The following FNBP4 variants were observed in gnomAD, a reference collection of about 807,000 sequenced individuals.
FNBP4 encodes formin binding protein 4, also known as formin-binding protein 4.
Under a neutral mutation model 119.3 loss-of-function variants are expected in FNBP4, and 34 were observed. That is an observed-to-expected ratio of 0.28 (90% CI 0.22 to 0.38). FNBP4 has a LOEUF of 0.38. FNBP4 is among the 10% of genes least tolerant of loss of function. FNBP4 has a pLI of 1.00. For missense variants in FNBP4, 1,112 were observed against 1,228.9 expected, an observed-to-expected ratio of 0.90 and a Z score of 1.42; for synonymous variants, 462 against 430.6, an observed-to-expected ratio of 1.07 and a Z score of -0.90.
chr11:47,736,471 G>T, intron 9 of FNBP4, 145 bp downstream of exon 9: 1 of 560,156 alleles, frequency 1.8e-6, no homozygotes, highest in Non-Finnish European at 3.0e-6. Context: ...CAGGAGAATG[G>T]CTTGAACCCA....
At chr11:47,764,672 C>T (rs928774174) in intron 2 of FNBP4, among the ~76,000 whole-genome samples, 1 of 152,042 alleles carries the variant, frequency 6.6e-6, no homozygotes, top group African/African-American at 2.4e-5. Context: ...TTTTACTCTT[C>T]CAAGATACAC....
intron 16 of FNBP4, among the ~76,000 whole-genome samples, chr11:47,718,130 T>G (rs2097551619): frequency 6.6e-6 from 1 of 151,614 alleles, no homozygotes; most frequent in Non-Finnish European, 1.5e-5. Flanking sequence ...TCTATTAGAG[T>G]TTTTCTTAGC....
intron 6 of FNBP4, among the ~76,000 whole-genome samples, chr11:47,748,327 A>T (rs1038475555): frequency 6.6e-6 from 1 of 151,850 alleles, no homozygotes; most frequent in African/African-American, 2.4e-5. Context: ...TTGTGATTAA[A>T]GTATCTGCTT....
In FNBP4 at chr11:47,733,964, A is replaced by T; in HGVS notation, c.1686+61T>A. On this transcript the variant is annotated intron_variant, in intron 10 of 16. Coordinates refer to ENST00000263773, the MANE Select transcript of FNBP4 (RefSeq NM_015308.5). ...GTAAGCAAGACAGAATCGTTAACAC[A>T]TACAGCATTTCATTCAAACACTTAA... The T allele has an allele frequency of 3.8e-6, 3 of 792,330 alleles. No homozygotes were observed. The East Asian group carries it at 8.1e-5, about 21-fold the overall frequency. The allele number at this position is 792,330 out of a possible 1,614,324, so 49.1% of individuals were successfully genotyped here.
chr11:47,737,407 T>C (rs191593909), intron 8 of FNBP4, among the ~76,000 whole-genome samples: 1 of 152,250 alleles, frequency 6.6e-6, no homozygotes. Context: ...TTTAACAAGT[T>C]GCAGGGGAAG....
At chr11:47,753,339 G>A (rs570954590) in intron 3 of FNBP4, among the ~76,000 whole-genome samples, 66 of 152,238 alleles carry the variant, frequency 4.3e-4, no homozygotes, top group African/African-American at 1.5e-3. Context: ...GGCTGGGCAC[G>A]GTGGCTCACG....
At chr11:47,730,163 C>G in intron 12 of FNBP4, 2 of 985,370 alleles carry the variant, frequency 2.0e-6, no homozygotes, top group South Asian at 4.7e-5. Flanking sequence ...TCCAGAACTA[C>G]GATCAAGCCT....
intron 14 of FNBP4, among the ~76,000 whole-genome samples, chr11:47,723,544 T>C (rs1599159743): frequency 6.6e-6 from 1 of 152,294 alleles, no homozygotes; most frequent in Non-Finnish European, 1.5e-5. Flanking sequence ...CAAGACAATC[T>C]GGAAGCATAT....
chr11:47,748,053 C>T (rs1356687620), intron 6 of FNBP4, among the ~76,000 whole-genome samples: 8 of 150,980 alleles, frequency 5.3e-5, no homozygotes, highest in Non-Finnish European at 8.8e-5. Context: ...TCAGCCTGGC[C>T]AATATGGTGA....
At chr11:47,739,345 A>G (rs1319610089) in intron 8 of FNBP4, among the ~76,000 whole-genome samples, 1 of 152,034 alleles carries the variant, frequency 6.6e-6, no homozygotes, top group African/African-American at 2.4e-5. Context: ...CTTCCCACTA[A>G]TCCCATTTAT....
At chr11:47,733,218 T>C (rs139804712) in intron 10 of FNBP4, among the ~76,000 whole-genome samples, 376 of 152,294 alleles carry the variant, frequency 2.5e-3, no homozygotes, top group Middle Eastern at 0.014. Flanking sequence ...AAATGAGTAG[T>C]AGTAGTTTTG....
chr11:47,740,700 T>C (rs1341031573), intron 8 of FNBP4, among the ~76,000 whole-genome samples: 2 of 151,548 alleles, frequency 1.3e-5, no homozygotes, highest in African/African-American at 4.9e-5. Flanking sequence ...TTCAGGTGAT[T>C]TCCTGCCTCA....
Position 47,732,533 on chromosome 11 carries a change from G to A in FNBP4, c.1820+4C>T, listed in dbSNP as rs1227289099. 12 of 1,614,080 alleles carry A rather than the reference G, an allele frequency of 7.4e-6. No homozygotes were observed. The highest frequency in any genetic ancestry group is 1.7e-5 in the Admixed American group (1 of 59,992). On this transcript the variant is annotated splice_donor_region_variant and intron_variant, in intron 11 of 16. Transcript: ENST00000263773. This position sits in a 1 kb window ranked among gnomAD's most constrained non-coding sequence, Gnocchi z 4.2. ...AAAGGTGAAAAGGGGAGAAGAGTGC[G>A]TACCTGTCCCAGTGGCAGGACCAGC...
intron 2 of FNBP4, among the ~76,000 whole-genome samples, chr11:47,756,307 A>G (rs2097617893): frequency 6.6e-6 from 1 of 152,138 alleles, no homozygotes. Flanking sequence ...TTTTCCAGCT[A>G]TTACTTATAT....
In FNBP4 at chr11:47,744,119, C is replaced by G; in HGVS notation, c.1290G>C (p.Gly430=). Residue 430 remains glycine, a synonymous_variant, in exon 8 of 17, where the codon GGG becomes GGC. Coordinates refer to ENST00000263773, the MANE Select transcript of FNBP4 (RefSeq NM_015308.5). The part of the protein sequence containing the change: ...ALEEGDGSVS[G]SSPRSDISQP... ...GGCTGATATCAGAACGTGGACTAGACCCTGACACACTACCATCTCCTTCCT... is the reference window on the plus strand; with the variant it reads ...GGCTGATATCAGAACGTGGACTAGAGCCTGACACACTACCATCTCCTTCCT... 1.9e-6 allele frequency: 3 copies of G among 1,614,102 alleles called. No homozygotes were observed. The highest frequency in any genetic ancestry group is 2.5e-6 in the Non-Finnish European group (3 of 1,180,012).
At chr11:47,739,939 C>T (rs952078470) in intron 8 of FNBP4, among the ~76,000 whole-genome samples, 4 of 135,082 alleles carry the variant, frequency 3.0e-5, no homozygotes, top group Admixed American at 2.4e-4. Flanking sequence ...CCACCACGCC[C>T]GGCTAGTTTT....
chr11:47,755,635 CAAAA>C (rs11341984), intron 2 of FNBP4, among the ~76,000 whole-genome samples: 45 of 128,728 alleles, frequency 3.5e-4, no homozygotes, highest in Middle Eastern at 7.5e-3. Context: ...AAAACAAAAA[CAAAA>C]AAAAAAAAAA....
At chr11:47,752,771 G>A (rs1292846468) in intron 4 of FNBP4, 145 bp downstream of exon 4, 2 of 692,236 alleles carry the variant, frequency 2.9e-6, no homozygotes, top group East Asian at 2.8e-5. Flanking sequence ...CCAAGATCGC[G>A]CCAGTGCACT....
chr11:47,723,371 A>G (rs2097557874), intron 14 of FNBP4, 55 bp from the exon 15 acceptor site: 2 of 1,529,018 alleles, frequency 1.3e-6, no homozygotes, highest in East Asian at 4.5e-5. Flanking sequence ...ACAAGAACAG[A>G]TGCAATGAAA....
Sources: gnomAD v4.1 joint callset for allele counts (sites outside exome capture counted in the v4.1 genomes callset) on GRCh38, gnomAD v4.1.1 for gene constraint, Gnocchi (gnomAD v3.1) non-coding constraint, MANE v1.5 for transcripts, NCBI Gene and HGNC (gene_info 2026-07-23, HGNC 2026-07-21) for gene names.